Variants in ZHX2 observed in about 807,000 individuals in gnomAD.
ZHX2 encodes the protein zinc fingers and homeoboxes protein 2.
In ZHX2, 6 loss-of-function variants were observed where a neutral mutation model predicts 21.9. That is an observed-to-expected ratio of 0.27 (90% CI 0.15 to 0.54). The LOEUF is 0.54. Ranked by LOEUF, ZHX2 falls within the 20% of genes least tolerant of loss-of-function variation. The pLI is 0.95. For synonymous variants in ZHX2, 434 were observed against 437.1 expected, an observed-to-expected ratio of 0.99 and a Z score of 0.09; for missense variants, 908 against 1,090.7, an observed-to-expected ratio of 0.83 and a Z score of 2.36.
At chr8:122,928,736 G>A (rs927322193) in intron 2 of ZHX2, among the ~76,000 whole-genome samples, 2 of 152,150 alleles carry the variant, frequency 1.3e-5, no homozygotes, top group South Asian at 4.1e-4. Flanking sequence ...CAGATTATAG[G>A]AGAGAAACCA....
At chr8:122,892,095 C>T (rs773670253) in intron 2 of ZHX2, among the ~76,000 whole-genome samples, 12 of 152,222 alleles carry the variant, frequency 7.9e-5, no homozygotes, top group Middle Eastern at 3.4e-3. Flanking sequence ...TTTTTATATC[C>T]GGGTGTTCCT....
intron 2 of ZHX2, among the ~76,000 whole-genome samples, chr8:122,888,242 A>AT (rs537797376): frequency 0.053 from 7,718 of 146,940 alleles, 597 homozygotes; most frequent in African/African-American, 0.17. Context: ...ACGGCCCTTG[A>AT]TTTTTTTTTT....
At chr8:122,856,020 G>A (rs1819015055) in intron 1 of ZHX2, among the ~76,000 whole-genome samples, 1 of 152,198 alleles carries the variant, frequency 6.6e-6, no homozygotes, top group African/African-American at 2.4e-5. Context: ...AGGCTATATG[G>A]GGGGAAATGA....
At chr8:122,881,161 G>A (rs917130287) in intron 2 of ZHX2, among the ~76,000 whole-genome samples, 5 of 152,168 alleles carry the variant, frequency 3.3e-5, no homozygotes, top group African/African-American at 4.8e-5. Context: ...GGGAGCACTC[G>A]GGCCCTCCTC....
intron 1 of ZHX2, among the ~76,000 whole-genome samples, chr8:122,840,391 C>G (rs2130707694): frequency 6.6e-6 from 1 of 152,296 alleles, no homozygotes; most frequent in South Asian, 2.1e-4. Context: ...ACTCGCCAGT[C>G]CCTGATCCCA....
intron 1 of ZHX2, among the ~76,000 whole-genome samples, chr8:122,836,477 C>T (rs1039174173): frequency 1.3e-5 from 2 of 152,144 alleles, no homozygotes; most frequent in Admixed American, 6.5e-5. Flanking sequence ...TGTATCGGTT[C>T]GAACCCGGAG....
At chr8:122,918,471 T>C (rs1169306217) in intron 2 of ZHX2, among the ~76,000 whole-genome samples, 2 of 152,202 alleles carry the variant, frequency 1.3e-5, no homozygotes, top group Admixed American at 6.5e-5. Context: ...CATCTCGCCT[T>C]TGCCTTGCCC....
rs57090731 is a variant in ZHX2 at position 122,947,092 on chromosome 8, CAAAAA to C, written c.-219-4180_-219-4176del. On this transcript the variant is annotated intron_variant, in intron 2 of 3. Transcript: ENST00000314393. Reference sequence around the variant, plus strand: ...GCAACAGGGTGAAATCCTGTCTTTGCAAAAAAAAAAAAAAAAAAAAAAAATTAGTC... The same window carrying C: ...GCAACAGGGTGAAATCCTGTCTTTGCAAAAAAAAAAAAAAAAAAATTAGTC... Among the ~76,000 whole-genome samples, 253 of 67,284 alleles carry C rather than the reference CAAAAA, an allele frequency of 3.8e-3. 1 individual carries two copies. Among genetic ancestry groups the C allele is most frequent in the African/African-American group, 0.014 (239 of 16,930 alleles). The allele number at this position is 67,284 out of a possible 152,430, so 44.1% of individuals were successfully genotyped here.
chr8:122,968,011 G>A (rs1813626596), intron 3 of ZHX2, among the ~76,000 whole-genome samples: 1 of 151,938 alleles, frequency 6.6e-6, no homozygotes, highest in African/African-American at 2.4e-5. Context: ...AGGGCTTCAT[G>A]TTAGTTTCTT....
intron 2 of ZHX2, among the ~76,000 whole-genome samples, chr8:122,947,375 C>A (rs1813004457): frequency 1.3e-5 from 2 of 152,208 alleles, no homozygotes. Flanking sequence ...ACAATAGCCA[C>A]CAGCCACAAT....
chr8:122,870,044 G>T (rs1453042184), intron 2 of ZHX2, among the ~76,000 whole-genome samples: 2 of 152,202 alleles, frequency 1.3e-5, no homozygotes, highest in Non-Finnish European at 2.9e-5. Context: ...CTTTCATTCT[G>T]CCTGTGGGTT....
intron 2 of ZHX2, among the ~76,000 whole-genome samples, chr8:122,894,672 G>A (rs1820055690): frequency 6.6e-6 from 1 of 152,118 alleles, no homozygotes; most frequent in Non-Finnish European, 1.5e-5. Context: ...GGGAGGGATA[G>A]CATTAGGAGA....
intron 1 of ZHX2, among the ~76,000 whole-genome samples, chr8:122,792,433 T>C (rs1258713454): frequency 6.6e-6 from 1 of 152,224 alleles, no homozygotes; most frequent in African/African-American, 2.4e-5. Context: ...CTGTGAACAT[T>C]CGTATACAAG....
chr8:122,963,519 C>T (rs1586429724), intron 3 of ZHX2, among the ~76,000 whole-genome samples: 1 of 152,186 alleles, frequency 6.6e-6, no homozygotes, highest in Non-Finnish European at 1.5e-5. Flanking sequence ...GTTTTGGTAA[C>T]TATAGCCTTG....
At chr8:122,955,322 T>A (rs1275819536) in intron 3 of ZHX2, among the ~76,000 whole-genome samples, 1 of 152,092 alleles carries the variant, frequency 6.6e-6, no homozygotes, top group Non-Finnish European at 1.5e-5. Context: ...CAGAGGTCAC[T>A]TAAAATACCA....
intron 1 of ZHX2, among the ~76,000 whole-genome samples, chr8:122,820,498 TG>T (rs1818121930): frequency 6.6e-6 from 1 of 152,184 alleles, no homozygotes; most frequent in Non-Finnish European, 1.5e-5. Context: ...TGTCTGTCAC[TG>T]GAGAGTTGAC....
intron 1 of ZHX2, among the ~76,000 whole-genome samples, chr8:122,810,948 T>C (rs1339178120): frequency 6.6e-6 from 1 of 152,136 alleles, no homozygotes; most frequent in Non-Finnish European, 1.5e-5. Context: ...GGACCCAGGG[T>C]ACCGAAAGTT....
chr8:122,891,270 TTGTGTGTG>T (rs59893492), intron 2 of ZHX2, among the ~76,000 whole-genome samples: 2,460 of 77,518 alleles, frequency 0.032, 38 homozygotes, highest in African/African-American at 0.06. Context: ...TCTTGGTAGA[TTGTGTGTG>T]TGTGTGTGTG....
chr8:122,937,464 G>T (rs1376478081), intron 2 of ZHX2, among the ~76,000 whole-genome samples: 1 of 152,186 alleles, frequency 6.6e-6, no homozygotes, highest in Non-Finnish European at 1.5e-5. Context: ...GATCATAGAT[G>T]CACACGGCAT....
Sources: gnomAD v4.1 joint callset for allele counts (sites outside exome capture counted in the v4.1 genomes callset) on GRCh38, gnomAD v4.1.1 for gene constraint, MANE v1.5 for transcripts, NCBI Gene and HGNC (gene_info 2026-07-23, HGNC 2026-07-21) for gene names.